Variants in TMEM151B observed in about 807,000 individuals in gnomAD.
TMEM151B encodes the protein transmembrane protein 151B.
In TMEM151B, 18 loss-of-function variants were observed where a neutral mutation model predicts 33.0. That is an observed-to-expected ratio of 0.55 (90% CI 0.38 to 0.81). The LOEUF is 0.81. Among genes scored for constraint, TMEM151B ranks in the 30% least tolerant of loss-of-function variants. The pLI is 0.00. For missense variants in TMEM151B, 672 were observed against 843.4 expected (o/e 0.80, Z 2.52); for synonymous variants, 354 against 373.6 (o/e 0.95, Z 0.61).
chr6:44,271,364 T>TGG (rs1187336329), intron 1 of TMEM151B, among the ~76,000 whole-genome samples: 1 of 40,376 alleles, frequency 2.5e-5, no homozygotes, highest in African/African-American at 1.8e-4. Context: ...TGTGTGTGTG[T>TGG]GTGTGGGGGG....
rs772031069 is a variant in TMEM151B at position 44,276,552 on chromosome 6, C to G, written c.*25C>G. 1.5e-6 allele frequency: 2 copies of G among 1,332,488 alleles called. No homozygotes were observed. The highest frequency in any genetic ancestry group is 1.8e-5 in the South Asian group (1 of 54,410). The allele number at this position is 1,332,488 out of a possible 1,614,324, so 82.5% of individuals were successfully genotyped here. ...ACCTCCGGCCCCGGAGTGGCCCGCG[C>G]CGTCCTCCCGCCTGCCCCTCGCCGG... is the stretch of plus-strand genomic sequence containing the variant. On this transcript the variant is annotated 3_prime_UTR_variant, in exon 3 of 3. Coordinates refer to ENST00000451188, the MANE Select transcript of TMEM151B (RefSeq NM_001137560.2).
chr6:44,276,675 TG>T lies in TMEM151B; in HGVS notation c.*152del. The T allele has an allele frequency of 7.9e-7, 1 of 1,267,620 alleles. No individual in the cohort carries two copies. The highest frequency in any genetic ancestry group is 9.9e-7 in the Non-Finnish European group (1 of 1,006,870). 78.5% of individuals were successfully genotyped at this position (1,267,620 alleles called of 1,614,324 possible). ...GTGAGGGCCGCAAGACAGGCCCGGA[TG>T]GGGCCGAGACCCCCGCTGTCCCTGT... is the stretch of plus-strand genomic sequence containing the variant. On this transcript the variant is annotated 3_prime_UTR_variant, in exon 3 of 3. Transcript: ENST00000451188.
At chr6:44,274,376 A>G (rs904905561) in intron 2 of TMEM151B, among the ~76,000 whole-genome samples, 4 of 152,178 alleles carry the variant, frequency 2.6e-5, no homozygotes, top group African/African-American at 7.2e-5. Context: ...GCTAGGCTCA[A>G]TCCCAGCTTC....
At chr6:44,272,120 C>A (rs1282644093) in intron 1 of TMEM151B, among the ~76,000 whole-genome samples, 1 of 152,116 alleles carries the variant, frequency 6.6e-6, no homozygotes, top group Non-Finnish European at 1.5e-5. Flanking sequence ...CCTGGGCCAA[C>A]CCTGGGACAG....
rs1222754468 is a variant in TMEM151B, at chr6:44,275,787, C to T, written c.961C>T (p.Arg321Cys). 2 of 1,543,272 alleles carry T rather than the reference C, an allele frequency of 1.3e-6. No homozygotes were observed. Among genetic ancestry groups the T allele is most frequent in the African/African-American group, 2.7e-5 (2 of 72,940 alleles). ...SWPLRVLAEY[R>C]TAYAHYHVEK... is the part of the protein sequence containing the mutation. ...GCCGCTGCGAGTGCTGGCCGAGTAC[C>T]GCACGGCCTACGCGCACTACCACGT... Residue 321 changes from arginine (R) to cysteine (C), a missense_variant, in exon 3 of 3, where the codon CGC (arginine) becomes TGC (cysteine). By Grantham distance (180) the Arg-to-Cys change is radical. This residue lies in a region of TMEM151B where 285 missense variants were observed against 423.1 expected (regional missense o/e 0.67). Coordinates refer to ENST00000451188, the MANE Select transcript of TMEM151B (RefSeq NM_001137560.2).
intron 2 of TMEM151B, among the ~76,000 whole-genome samples, chr6:44,273,733 T>G (rs1247018768): frequency 1.3e-5 from 2 of 152,234 alleles, no homozygotes; most frequent in East Asian, 3.8e-4. Flanking sequence ...ATCAAATCAT[T>G]TATTTAACCC....
In TMEM151B at chr6:44,276,258, C is replaced by A; in HGVS notation, c.1432C>A (p.Arg478Ser). The A allele has an allele frequency of 2.3e-6, 3 of 1,322,208 alleles. No individual in the cohort carries two copies. The highest frequency in any genetic ancestry group is 2.7e-4 in the Middle Eastern group (1 of 3,684). The allele number at this position is 1,322,208 out of a possible 1,614,324, so 81.9% of individuals were successfully genotyped here. The change falls in exon 3 of 3, where the codon CGT becomes AGT. Residue 478 changes from arginine to serine, a missense_variant. Physicochemically the swap from Arg to Ser is moderately radical, Grantham distance 110 (BLOSUM62 -1). Coordinates refer to ENST00000451188, the MANE Select transcript of TMEM151B (RefSeq NM_001137560.2). The part of the protein sequence containing the change: ...GCGGSRFSLG[R>S]LYGSRRSCLW... ...CGGGGGCAGCCGCTTCTCGCTGGGC[C>A]GTCTCTACGGCTCCCGGCGCAGCTG...
rs1470563293 is a variant in TMEM151B, at chr6:44,275,912, G to C, written c.1086G>C (p.Leu362=). The C allele has an allele frequency of 6.5e-7, 1 of 1,527,730 alleles. No homozygotes were observed. Among genetic ancestry groups the C allele is most frequent in the Admixed American group, 2.1e-5 (1 of 48,166 alleles). 94.6% of individuals were successfully genotyped at this position (1,527,730 alleles called of 1,614,324 possible). The change falls in exon 3 of 3, where the codon CTG becomes CTC. Residue 362 remains leucine, a synonymous_variant. Coordinates refer to ENST00000451188, the MANE Select transcript of TMEM151B (RefSeq NM_001137560.2). Reference sequence around the variant, plus strand: ...TGCTGCCCCCGCTCACCCACCGCCTGCCGCGGGTCAACACAGTAGACAGCA... The same window carrying C: ...TGCTGCCCCCGCTCACCCACCGCCTCCCGCGGGTCAACACAGTAGACAGCA... ...DELLPPLTHR[L]PRVNTVDSTE...
chr6:44,276,337 A>G lies in TMEM151B; in HGVS notation c.1511A>G (p.Gln504Arg). Residue 504 changes from glutamine to arginine, a missense_variant, in exon 3 of 3, where the codon CAG becomes CGG. Physicochemically the swap from Gln to Arg is conservative, Grantham distance 43 (BLOSUM62 1). Coordinates refer to ENST00000451188, the MANE Select transcript of TMEM151B (RefSeq NM_001137560.2). ...AACGAGGCCAGCTGCCCCACGGAGCAGACGCGGCTGTCCAGCCAGGCCAGC... is the reference window on the plus strand; with the variant it reads ...AACGAGGCCAGCTGCCCCACGGAGCGGACGCGGCTGTCCAGCCAGGCCAGC... ...SVNEASCPTE[Q>R]TRLSSQASMG... 4.0e-6 allele frequency: 6 copies of G among 1,490,354 alleles called. No individual in the cohort carries two copies. In the Admixed American group the frequency reaches 6.4e-5, roughly 16 times the overall value. 92.3% of individuals were successfully genotyped at this position (1,490,354 alleles called of 1,614,324 possible).
chr6:44,278,414 G>A lies in TMEM151B; in HGVS notation c.*1887G>A, dbSNP rs560593612. On this transcript the variant is annotated 3_prime_UTR_variant, in exon 3 of 3. Coordinates refer to ENST00000451188, the MANE Select transcript of TMEM151B (RefSeq NM_001137560.2). ...TGAGTCTGTGCTCCTTGGGGGCCTG[G>A]CGTTTGGAGCACCCTTCTTTCCTCT... 2.0e-4 allele frequency: 31 copies of A among 152,538 alleles called. No homozygotes were observed. The highest frequency in any genetic ancestry group is 7.0e-4 in the African/African-American group (29 of 41,584). The allele number at this position is 152,538 out of a possible 1,614,324, so 9.4% of individuals were successfully genotyped here.
In TMEM151B at chr6:44,275,491, T is replaced by G; in HGVS notation, c.665T>G (p.Val222Gly). ...CGVRDVSKTL[V>G]GLEGAPATRL... ...GTTCGCGACGTGTCCAAGACGCTGG[T>G]GGGGCTGGAGGGCGCGCCGGCCACG... The change falls in exon 3 of 3, where the codon GTG (valine) becomes GGG (glycine). Residue 222 changes from valine to glycine, a missense_variant. By Grantham distance (109) the Val-to-Gly change is moderately radical. Around this residue, in one of 3 missense-constraint regions of TMEM151B, gnomAD observed 285 missense variants for 423.1 expected, o/e 0.67. Transcript: ENST00000451188. 1 of 1,549,372 alleles carries G rather than the reference T, an allele frequency of 6.5e-7. No homozygotes were observed. The highest frequency in any genetic ancestry group is 8.7e-7 in the Non-Finnish European group (1 of 1,146,098).
Position 44,277,477 on chromosome 6 carries a change from G to T in TMEM151B, c.*950G>T, listed in dbSNP as rs79252063. On this transcript the variant is annotated 3_prime_UTR_variant, in exon 3 of 3. Coordinates refer to ENST00000451188, the MANE Select transcript of TMEM151B (RefSeq NM_001137560.2). Reference sequence around the variant, plus strand: ...CATGACATAGACCTGGGTGGCAACGGGGACCTCTGGAAGCAGGTGGGAGTA... The same window carrying T: ...CATGACATAGACCTGGGTGGCAACGTGGACCTCTGGAAGCAGGTGGGAGTA... The T allele has an allele frequency of 6.2e-4, 95 of 152,508 alleles. No individual in the cohort carries two copies. Among genetic ancestry groups the T allele is most frequent in the African/African-American group, 2.3e-3 (94 of 41,554 alleles). The allele number at this position is 152,508 out of a possible 1,614,324, so 9.4% of individuals were successfully genotyped here.
intron 1 of TMEM151B, among the ~76,000 whole-genome samples, chr6:44,272,744 T>C (rs1782416522): frequency 6.6e-6 from 1 of 152,136 alleles, no homozygotes; most frequent in Non-Finnish European, 1.5e-5. Context: ...TACCATCCTA[T>C]CCATCTGTGT....
At chr6:44,270,951 C>T in intron 1 of TMEM151B, 74 bp downstream of exon 1, 2 of 975,934 alleles carry the variant, frequency 2.0e-6, no homozygotes, top group East Asian at 9.7e-5. Flanking sequence ...ACGCGTCCCC[C>T]GCTGGTTCCG....
intron 1 of TMEM151B, among the ~76,000 whole-genome samples, chr6:44,272,641 G>T (rs1426613900): frequency 2.0e-5 from 3 of 152,090 alleles, no homozygotes; most frequent in Admixed American, 1.3e-4. Flanking sequence ...ACCTTCCTTC[G>T]CTGATGCCTG....
chr6:44,276,098 G>T lies in TMEM151B; in HGVS notation c.1272G>T (p.Ala424=). ...GTGGGGTAGGCGGCCCGGGCGCGGC[G>T]GGCGTGGCTCCCTACCGGCGCAGCT... The part of the protein sequence containing the change: ...RYGGVGGPGA[A]GVAPYRRSCE... The change falls in exon 3 of 3, where the codon GCG becomes GCT. Residue 424 remains alanine, a synonymous_variant. Transcript: ENST00000451188. 4 of 1,320,956 alleles carry T rather than the reference G, an allele frequency of 3.0e-6. No homozygotes were observed. In the South Asian group the frequency reaches 9.0e-5, roughly 30 times the overall value. 81.8% of individuals were successfully genotyped at this position (1,320,956 alleles called of 1,614,324 possible).
In TMEM151B at chr6:44,276,635, G is replaced by T; in HGVS notation, c.*108G>T. ...CCACGGTGACTGAGGCCGCGCGGGG[G>T]GCAGGGAAAGGGAGGTGAGGGCCGC... On this transcript the variant is annotated 3_prime_UTR_variant, in exon 3 of 3. Coordinates refer to ENST00000451188, the MANE Select transcript of TMEM151B (RefSeq NM_001137560.2). 4 of 1,286,402 alleles carry T rather than the reference G, an allele frequency of 3.1e-6. No homozygotes were observed. The highest frequency in any genetic ancestry group is 3.9e-6 in the Non-Finnish European group (4 of 1,017,352). 79.7% of individuals were successfully genotyped at this position (1,286,402 alleles called of 1,614,324 possible).
chr6:44,273,144 A>T lies in TMEM151B; in HGVS notation c.214A>T (p.Met72Leu). ...GAAGTGCCTCCTGCTCTCGCTGCTCATGTACGGCTGCCTGGGGGCAGTGGC... is the reference window on the plus strand; with the variant it reads ...GAAGTGCCTCCTGCTCTCGCTGCTCTTGTACGGCTGCCTGGGGGCAGTGGC... ...HWKCLLLSLL[M>L]YGCLGAVAWC... The change falls in exon 2 of 3, where the codon ATG (methionine) becomes TTG (leucine). Residue 72 changes from methionine (M) to leucine (L), a missense_variant. Physicochemically the swap from Met to Leu is conservative, Grantham distance 15. Around this residue, in one of 3 missense-constraint regions of TMEM151B, gnomAD observed 285 missense variants for 423.1 expected, o/e 0.67. Coordinates refer to ENST00000451188, the MANE Select transcript of TMEM151B (RefSeq NM_001137560.2). The T allele has an allele frequency of 6.5e-7, 1 of 1,542,418 alleles. No individual in the cohort carries two copies.
chr6:44,278,710 A>G lies in TMEM151B; in HGVS notation c.*2183A>G, dbSNP rs1053179040. On this transcript the variant is annotated 3_prime_UTR_variant, in exon 3 of 3. Transcript: ENST00000451188. ...AGACAGCCTCATCTCCCACACATGCACAGACTTAGAGAGAAACCAATTCTT... is the reference window on the plus strand; with the variant it reads ...AGACAGCCTCATCTCCCACACATGCGCAGACTTAGAGAGAAACCAATTCTT... 6.6e-6 allele frequency: 1 copy of G among 152,218 alleles called. No individual in the cohort carries two copies. Among genetic ancestry groups the G allele is most frequent in the Non-Finnish European group, 1.5e-5 (1 of 68,040 alleles). 9.4% of individuals were successfully genotyped at this position (152,218 alleles called of 1,614,324 possible).
Sources: allele counts gnomAD v4.1 joint callset (sites outside exome capture counted in the v4.1 genomes callset), GRCh38; gene constraint gnomAD v4.1.1; regional missense constraint gnomAD v4.1.1; transcripts MANE v1.5; gene names NCBI Gene and HGNC (gene_info 2026-07-23, HGNC 2026-07-21).